Variants in XKR9 observed in about 807,000 individuals in gnomAD.
XKR9 encodes XK related 9, also known as XK-related protein 9.
XKR9 carries 32 observed loss-of-function variants against 32.0 expected under a neutral mutation model. The ratio of observed to expected loss-of-function variants is 1.00; its 90% CI spans 0.76 to 1.34. The LOEUF is 1.34. Among genes scored for constraint, XKR9 ranks in the 40% most tolerant of loss-of-function variants. The pLI is 0.00. For synonymous variants in XKR9, 168 were observed against 143.4 expected, an observed-to-expected ratio of 1.17 and a Z score of -1.22; for missense variants, 546 against 429.7, an observed-to-expected ratio of 1.27 and a Z score of -2.39.
At chr8:70,880,506 C>G in the XKR9 span, among the ~76,000 whole-genome samples, 3 of 151,996 alleles carry the variant, frequency 2.0e-5, no homozygotes, top group Non-Finnish European at 4.4e-5. Flanking sequence ...AAATCATGAG[C>G]AAACTCCCAT....
At chr8:70,679,970 T>C (rs1466211813) in intron 2 of XKR9, among the ~76,000 whole-genome samples, 4 of 152,014 alleles carry the variant, frequency 2.6e-5, no homozygotes, top group Admixed American at 2.6e-4. Context: ...TAAAAAATTA[T>C]ATACCTAACA....
At chr8:71,027,551 G>C in the XKR9 span, among the ~76,000 whole-genome samples, 9 of 151,262 alleles carry the variant, frequency 5.9e-5, no homozygotes, top group African/African-American at 2.2e-4. Context: ...TCTTGACAAA[G>C]CTCTCACCTG....
At chr8:71,059,135 A>G in the XKR9 span, among the ~76,000 whole-genome samples, 1 of 152,262 alleles carries the variant, frequency 6.6e-6, no homozygotes, top group East Asian at 1.9e-4. Context: ...CCAGTTTTAA[A>G]TGATTAATAC....
chr8:70,733,710 A>G (rs1320388566), intron 4 of XKR9, 86 bp from the exon 5 acceptor site: 1 of 1,255,946 alleles, frequency 8.0e-7, no homozygotes, highest in Non-Finnish European at 1.1e-6. Flanking sequence ...GGGTGTGTGT[A>G]TATAGATATA....
intron 3 of XKR9, among the ~76,000 whole-genome samples, 194 bp from the exon 4 acceptor site, chr8:70,706,739 A>G (rs148096493): frequency 3.7e-4 from 57 of 152,242 alleles, no homozygotes; most frequent in African/African-American, 1.3e-3. Flanking sequence ...CATCAAACAT[A>G]CAATAAAGGT....
the XKR9 span, among the ~76,000 whole-genome samples, chr8:70,803,503 G>T: frequency 6.6e-6 from 1 of 152,190 alleles, no homozygotes; most frequent in South Asian, 2.1e-4. Flanking sequence ...TCATTTGGAG[G>T]TAAGAAGACA....
the XKR9 span, among the ~76,000 whole-genome samples, chr8:70,993,614 C>CTTCT: frequency 1.6e-5 from 1 of 62,734 alleles, no homozygotes; most frequent in Non-Finnish European, 3.2e-5. Context: ...TCCTTCCTTC[C>CTTCT]TTCCTTCCTT....
At chr8:70,737,032 A>G (rs28782289), downstream of XKR9, among the ~76,000 whole-genome samples, 5,315 of 151,814 alleles carry the variant, frequency 0.035, no homozygotes, top group South Asian at 0.071. Context: ...TATGGGGATG[A>G]CATTGAATCT....
intron 3 of XKR9, among the ~76,000 whole-genome samples, chr8:70,686,412 A>AATATAT (rs71264517): frequency 6.8e-6 from 1 of 147,194 alleles, no homozygotes; most frequent in African/African-American, 2.5e-5. Context: ...CGAGATAGCT[A>AATATAT]ATATATATAT....
the XKR9 span, among the ~76,000 whole-genome samples, chr8:70,945,816 T>A: frequency 3.3e-5 from 5 of 152,194 alleles, no homozygotes; most frequent in African/African-American, 1.2e-4. Context: ...CAGCAGCCCA[T>A]TGACTTACAG....
At chr8:70,809,138 A>G in the XKR9 span, among the ~76,000 whole-genome samples, 1 of 152,212 alleles carries the variant, frequency 6.6e-6, no homozygotes, top group African/African-American at 2.4e-5. Flanking sequence ...GCTGTTCACC[A>G]ATATCCGCTG....
At chr8:70,726,490 AC>A (rs1168714812) in intron 4 of XKR9, among the ~76,000 whole-genome samples, 5 of 152,210 alleles carry the variant, frequency 3.3e-5, no homozygotes, top group African/African-American at 4.8e-5. Context: ...AAACTCTTGC[AC>A]CCAGATTAGC....
chr8:70,958,510 C>T, the XKR9 span, among the ~76,000 whole-genome samples: 3 of 152,132 alleles, frequency 2.0e-5, no homozygotes, highest in East Asian at 1.9e-4. Flanking sequence ...TCTTTTGACA[C>T]GTGTCTGCTC....
the XKR9 span, among the ~76,000 whole-genome samples, chr8:70,839,029 A>G: frequency 6.6e-6 from 1 of 152,056 alleles, no homozygotes; most frequent in African/African-American, 2.4e-5. Flanking sequence ...TCCCATTATG[A>G]GGTAAGATAG....
the XKR9 span, among the ~76,000 whole-genome samples, chr8:71,065,717 G>C: frequency 6.6e-6 from 1 of 152,238 alleles, no homozygotes; most frequent in Non-Finnish European, 1.5e-5. Context: ...ATCTGTCTGT[G>C]TGATCTTGTC....
At chr8:70,906,834 GATAA>G in the XKR9 span, among the ~76,000 whole-genome samples, 2 of 151,944 alleles carry the variant, frequency 1.3e-5, no homozygotes, top group Non-Finnish European at 2.9e-5. Context: ...AATTTTCCAA[GATAA>G]TTAGATTTAT....
chr8:70,724,687 C>T (rs552537229), intron 4 of XKR9, among the ~76,000 whole-genome samples: 12 of 152,242 alleles, frequency 7.9e-5, no homozygotes, highest in South Asian at 4.2e-4. Flanking sequence ...TGCTTCTGCT[C>T]GCTCTCCATG....
the XKR9 span, among the ~76,000 whole-genome samples, chr8:70,813,396 A>C: frequency 6.6e-6 from 1 of 152,162 alleles, no homozygotes; most frequent in African/African-American, 2.4e-5. Flanking sequence ...GTCTTCATGA[A>C]TAAAACACCA....
chr8:70,991,163 G>A, the XKR9 span, among the ~76,000 whole-genome samples: 1 of 152,144 alleles, frequency 6.6e-6, no homozygotes, highest in South Asian at 2.1e-4. Context: ...AGCTGCCTGT[G>A]AGCAGTTCTA....
Sources: allele counts gnomAD v4.1 joint callset (sites outside exome capture counted in the v4.1 genomes callset), GRCh38; gene constraint gnomAD v4.1.1; transcripts MANE v1.5; gene names NCBI Gene and HGNC (gene_info 2026-07-23, HGNC 2026-07-21).